The following SLC35F1 variants were observed in gnomAD, a reference collection of about 807,000 sequenced individuals.
The protein encoded by SLC35F1 is solute carrier family 35 member F1, also known as chromosome 6 open reading frame 169.
Under a neutral mutation model 48.7 loss-of-function variants are expected in SLC35F1, and 14 were observed. The observed-to-expected ratio is 0.29, with a 90% CI of 0.19 to 0.45. The LOEUF (loss-of-function observed/expected upper bound fraction) is 0.45. SLC35F1 is among the 20% of genes least tolerant of loss of function. The probability of loss-of-function intolerance (pLI) is 1.00; values close to 1 mark genes in which losing one functional copy is unlikely to be tolerated. For synonymous variants in SLC35F1, 190 were observed against 202.2 expected (o/e 0.94, Z 0.51); for missense variants, 404 against 500.0 (o/e 0.81, Z 1.83).
chr6:118,087,346 C>T (rs755800882), intron 1 of SLC35F1, among the ~76,000 whole-genome samples: 1 of 152,118 alleles, frequency 6.6e-6, no homozygotes, highest in Non-Finnish European at 1.5e-5. Flanking sequence ...AAGATGCTAG[C>T]TCCAAGTATA....
intron 2 of SLC35F1, among the ~76,000 whole-genome samples, chr6:118,157,708 G>A (rs1774167527): frequency 6.6e-6 from 1 of 152,142 alleles, no homozygotes; most frequent in Admixed American, 6.5e-5. Flanking sequence ...ATAGAGGCCA[G>A]AAAACTCAGC....
intron 4 of SLC35F1, among the ~76,000 whole-genome samples, chr6:118,272,727 A>ATGTGTG (rs1379034825): frequency 4.1e-5 from 4 of 97,598 alleles, no homozygotes; most frequent in African/African-American, 1.6e-4. Flanking sequence ...TAAAAAATAT[A>ATGTGTG]TATGTGTGTG....
chr6:118,023,611 T>C (rs1377744252), intron 1 of SLC35F1, among the ~76,000 whole-genome samples: 3 of 152,228 alleles, frequency 2.0e-5, no homozygotes, highest in Non-Finnish European at 4.4e-5. Flanking sequence ...TGGCCCTCAC[T>C]ATTCATCTGT....
chr6:118,282,790 C>G (rs758740263), intron 6 of SLC35F1, among the ~76,000 whole-genome samples: 2 of 152,094 alleles, frequency 1.3e-5, no homozygotes, highest in African/African-American at 2.4e-5. Flanking sequence ...CAGTCTATCA[C>G]CAGGGCTTCT....
intron 1 of SLC35F1, among the ~76,000 whole-genome samples, chr6:118,045,277 A>G (rs1442992179): frequency 6.6e-6 from 1 of 152,184 alleles, no homozygotes; most frequent in Admixed American, 6.5e-5. Context: ...GCAACCAGAA[A>G]GGAAGAACAT....
At chr6:118,147,637 C>T (rs1484621901) in intron 1 of SLC35F1, among the ~76,000 whole-genome samples, 1 of 152,128 alleles carries the variant, frequency 6.6e-6, no homozygotes, top group South Asian at 2.1e-4. Flanking sequence ...CAGGGGCTTC[C>T]AGCTCCCTGT....
rs575593483 is a variant in SLC35F1 at position 118,111,981 on chromosome 6, A to G, written c.174-42464A>G. On this transcript the variant is annotated intron_variant, in intron 1 of 7. Coordinates refer to ENST00000360388, the MANE Select transcript of SLC35F1 (RefSeq NM_001029858.4). ...TAGATGTTTATGGCTAAGGGAACAA[A>G]TTAATAATGTTTTCTAAACAGACCC... Among the ~76,000 whole-genome samples, 4 of 152,326 alleles carry G rather than the reference A, an allele frequency of 2.6e-5. No homozygotes were observed. In the South Asian group the frequency reaches 8.3e-4, roughly 32 times the overall value.
chr6:118,104,096 CCCCTTCCCTT>C (rs141839854), intron 1 of SLC35F1, among the ~76,000 whole-genome samples: 13 of 150,790 alleles, frequency 8.6e-5, no homozygotes, highest in Admixed American at 2.6e-4. Flanking sequence ...TTTCTTCCCT[CCCCTTCCCTT>C]CCCTTCCCTT....
chr6:118,108,245 G>A (rs1002755299), intron 1 of SLC35F1, among the ~76,000 whole-genome samples: 1 of 152,122 alleles, frequency 6.6e-6, no homozygotes, highest in Non-Finnish European at 1.5e-5. Context: ...ATGTTTAACT[G>A]TACAGGTTTG....
intron 2 of SLC35F1, among the ~76,000 whole-genome samples, chr6:118,162,042 G>A (rs1467774598): frequency 6.6e-6 from 1 of 152,122 alleles, no homozygotes; most frequent in East Asian, 1.9e-4. Context: ...AAAACATAAT[G>A]TCCCTGCAAA....
chr6:118,221,112 CTTA>C (rs1346486194), intron 2 of SLC35F1, among the ~76,000 whole-genome samples: 3 of 151,904 alleles, frequency 2.0e-5, no homozygotes, highest in African/African-American at 4.8e-5. Flanking sequence ...CTGGGTCTAC[CTTA>C]TTATTATCTA....
At chr6:118,007,448 G>A (rs1777188021) in intron 1 of SLC35F1, among the ~76,000 whole-genome samples, 1 of 152,158 alleles carries the variant, frequency 6.6e-6, no homozygotes. Flanking sequence ...CTTCCACCAA[G>A]CTGTAATCCC....
intron 1 of SLC35F1, among the ~76,000 whole-genome samples, chr6:117,980,426 T>C (rs759775827): frequency 6.6e-6 from 1 of 152,216 alleles, no homozygotes; most frequent in Non-Finnish European, 1.5e-5. Flanking sequence ...CCAGTTCTAA[T>C]GTTGTATATG....
At chr6:118,066,921 G>A (rs1772624479) in intron 1 of SLC35F1, among the ~76,000 whole-genome samples, 1 of 151,948 alleles carries the variant, frequency 6.6e-6, no homozygotes, top group Non-Finnish European at 1.5e-5. Flanking sequence ...CCCACTGAAA[G>A]TCAAATTCAG....
intron 1 of SLC35F1, among the ~76,000 whole-genome samples, chr6:118,089,836 C>T (rs563145273): frequency 1.3e-5 from 2 of 152,224 alleles, no homozygotes; most frequent in South Asian, 2.1e-4. Context: ...TTTGACTTTG[C>T]AAAACTGGAA....
At position 117,907,502 on chromosome 6, in the gene SLC35F1, C is replaced by G; in HGVS notation, c.-225C>G. 1 of 279,072 alleles carries G rather than the reference C, an allele frequency of 3.6e-6. No individual in the cohort carries two copies. Among genetic ancestry groups the G allele is most frequent in the Admixed American group, 5.4e-5 (1 of 18,588 alleles). The allele number at this position is 279,072 out of a possible 1,614,324, so 17.3% of individuals were successfully genotyped here. On this transcript the variant is annotated 5_prime_UTR_variant, in exon 1 of 8. Transcript: ENST00000360388. The stretch of plus-strand genomic sequence containing the variant: ...CCGGGGCGGGCGGCGGCGGCGGCGG[C>G]ACGGGCGCGAGGGTGCGCGCACTGG...
In SLC35F1 at chr6:118,111,611, G is replaced by T. The variant is rs528251715; in HGVS notation, c.174-42834G>T. ...ATATTAGAAGTTCTTCAGAGAGAAG[G>T]AAAATGATATAGATCAGAAACTCAG... On this transcript the variant is annotated intron_variant, in intron 1 of 7. Transcript: ENST00000360388. Among the ~76,000 whole-genome samples the T allele has an allele frequency of 3.3e-5, 5 of 152,200 alleles. No homozygotes were observed. The East Asian group carries it at 9.7e-4, about 29-fold the overall frequency.
intron 1 of SLC35F1, among the ~76,000 whole-genome samples, chr6:118,071,555 T>G (rs950209255): frequency 6.6e-6 from 1 of 152,062 alleles, no homozygotes; most frequent in Non-Finnish European, 1.5e-5. Context: ...ATCATGACTC[T>G]TTTATCTTTC....
At chr6:118,119,620 C>CA (rs1345483361) in intron 1 of SLC35F1, among the ~76,000 whole-genome samples, 1 of 151,532 alleles carries the variant, frequency 6.6e-6, no homozygotes, top group Non-Finnish European at 1.5e-5. Flanking sequence ...TCTCCTGCCT[C>CA]AGCCTCCTGA....
Sources: allele counts gnomAD v4.1 joint callset (sites outside exome capture counted in the v4.1 genomes callset), GRCh38; gene constraint gnomAD v4.1.1; transcripts MANE v1.5; gene names NCBI Gene and HGNC (gene_info 2026-07-23, HGNC 2026-07-21).